MUC15: variants seen among roughly 807,000 people sequenced by gnomAD.
The protein encoded by MUC15 is mucin-15.
In MUC15, 23 loss-of-function variants were observed where a neutral mutation model predicts 24.0. The ratio of observed to expected loss-of-function variants is 0.96; its 90% confidence interval spans 0.69 to 1.36. MUC15 has a LOEUF of 1.36. Among genes scored for constraint, MUC15 ranks in the 40% most tolerant of loss-of-function variants. The probability of loss-of-function intolerance (pLI) is 0.00; values close to 1 mark genes in which losing one functional copy is unlikely to be tolerated. For missense variants in MUC15, 442 were observed against 428.2 expected (o/e 1.03, Z -0.29); for synonymous variants, 151 against 156.3 (o/e 0.97, Z 0.25).
At chr11:26,568,847 T>C (rs1022927682) in intron 1 of MUC15, among the ~76,000 whole-genome samples, 1 of 152,054 alleles carries the variant, frequency 6.6e-6, no homozygotes, top group African/African-American at 2.4e-5. Context: ...CTCTGCAAAG[T>C]TCACAGCAAA....
At position 26,561,204 on chromosome 11, in the gene MUC15, G is replaced by T. The variant is rs201218745; in HGVS notation, c.947C>A (p.Pro316Gln). 1.2e-6 allele frequency: 2 copies of T among 1,609,500 alleles called. No individual in the cohort carries two copies. Among genetic ancestry groups the T allele is most frequent in the Admixed American group, 1.7e-5 (1 of 59,392 alleles). ...CCCAAAACTCACATCATAAGGTTCC[G>T]GTGCATTGTCTAATCGCAGAACTAA... ...NEPVLRLDNAPEPYDVSFGNS... is the reference protein window; with the variant it reads ...NEPVLRLDNAQEPYDVSFGNS... Residue 316 changes from proline (P) to glutamine (Q), a missense_variant, in exon 5 of 5, where the codon CCG becomes CAG. Physicochemically the swap from Pro to Gln is moderately conservative, Grantham distance 76. Transcript: ENST00000529533.
At chr11:26,570,120 G>A (rs1213759506) in intron 1 of MUC15, among the ~76,000 whole-genome samples, 1 of 151,998 alleles carries the variant, frequency 6.6e-6, no homozygotes, top group African/African-American at 2.4e-5. Context: ...AAACTTTCCT[G>A]TATATATTAA....
intron 1 of MUC15, among the ~76,000 whole-genome samples, chr11:26,568,763 G>C (rs960950108): frequency 1.1e-4 from 17 of 152,096 alleles, no homozygotes; most frequent in Admixed American, 3.3e-4. Context: ...CTCACCTAGT[G>C]TGTTTAAAAT....
intron 1 of MUC15, among the ~76,000 whole-genome samples, chr11:26,569,954 T>G (rs1850754452): frequency 6.6e-6 from 1 of 152,142 alleles, no homozygotes; most frequent in South Asian, 2.1e-4. Flanking sequence ...TTTTTGCATC[T>G]GGGTGGTAGC....
intron 1 of MUC15, among the ~76,000 whole-genome samples, chr11:26,571,073 G>T (rs1850805704): frequency 6.6e-6 from 1 of 152,120 alleles, no homozygotes; most frequent in Admixed American, 6.6e-5. Flanking sequence ...CTTAGGCTAT[G>T]TAACTACAGG....
chr11:26,559,118 G>A lies in MUC15; in HGVS notation c.*1947C>T, dbSNP rs1590525842. ...CATTATAAAACTATGCATCCTTTAT[G>A]AAGTTTCAGTTGATATCTGATTAAA... On this transcript the variant is annotated 3_prime_UTR_variant, in exon 5 of 5. Coordinates refer to ENST00000529533, the MANE Select transcript of MUC15 (RefSeq NM_001135091.2). The A allele has an allele frequency of 6.6e-6, 1 of 152,276 alleles. No individual in the cohort carries two copies. Among genetic ancestry groups the A allele is most frequent in the East Asian group, 1.9e-4 (1 of 5,190 alleles). 9.4% of individuals were successfully genotyped at this position (152,276 alleles called of 1,614,324 possible). A position where few individuals can be genotyped will look rare whatever the true frequency, so the allele number is the denominator to read the frequency against.
intron 2 of MUC15, 38 bp downstream of exon 2, chr11:26,567,014 G>A: frequency 2.1e-6 from 3 of 1,427,000 alleles, no homozygotes; most frequent in South Asian, 1.6e-5. Context: ...TGTCTTTTTG[G>A]TTACAAAGTT....
rs773482096 is a variant in MUC15, at chr11:26,559,801, T to G, written c.*1264A>C. On this transcript the variant is annotated 3_prime_UTR_variant, in exon 5 of 5. Coordinates refer to ENST00000529533, the MANE Select transcript of MUC15 (RefSeq NM_001135091.2). ...TGGGGTAAGTACTTTCTTCATTACT[T>G]TCTATCCCTTATTTTCTGAAGCTGT... 6.6e-7 allele frequency: 1 copy of G among 1,526,288 alleles called. No individual in the cohort carries two copies. 94.5% of individuals were successfully genotyped at this position (1,526,288 alleles called of 1,614,324 possible).
chr11:26,564,797 A>G (rs1850500229), intron 3 of MUC15, among the ~76,000 whole-genome samples: 1 of 117,298 alleles, frequency 8.5e-6, no homozygotes, highest in Non-Finnish European at 1.7e-5. Flanking sequence ...GTTCAGTTGT[A>G]TAGTATTCAC....
rs751370746 is a variant in MUC15, at chr11:26,561,139, T to C, written c.1012A>G (p.Met338Val). Residue 338 changes from methionine (M) to valine (V), a missense_variant, in exon 5 of 5, where the codon ATG (methionine) becomes GTG (valine). Transcript: ENST00000529533. ...CGTGCATTTTCTTCACTTTCTGGCA[T>C]GGCTGAATCATTCAAAGTTGGATTG... ...YYNPTLNDSAMPESEENARDG... is the reference protein window; with the variant it reads ...YYNPTLNDSAVPESEENARDG... 1.2e-6 allele frequency: 2 copies of C among 1,612,944 alleles called. No individual in the cohort carries two copies. The highest frequency in any genetic ancestry group is 3.3e-5 in the Admixed American group (2 of 59,892).
intron 1 of MUC15, among the ~76,000 whole-genome samples, chr11:26,569,801 G>A (rs1008327652): frequency 6.6e-6 from 1 of 152,024 alleles, no homozygotes; most frequent in African/African-American, 2.4e-5. Flanking sequence ...ATTATGGATG[G>A]TATCCCTGAG....
intron 1 of MUC15, among the ~76,000 whole-genome samples, chr11:26,567,763 A>G (rs147830518): frequency 1.1e-3 from 174 of 152,152 alleles, no homozygotes; most frequent in African/African-American, 4.0e-3. Context: ...TAAGAGCCTC[A>G]AACCTAAGTG....
intron 4 of MUC15, among the ~76,000 whole-genome samples, chr11:26,562,547 A>G (rs553293225): frequency 2.6e-5 from 4 of 152,026 alleles, no homozygotes; most frequent in South Asian, 4.1e-4. Context: ...TTTCTCATTC[A>G]TAGATATTAT....
chr11:26,568,185 G>A (rs950977461), intron 1 of MUC15, among the ~76,000 whole-genome samples: 1 of 151,992 alleles, frequency 6.6e-6, no homozygotes, highest in Admixed American at 6.6e-5. Context: ...TTACTATTAT[G>A]CATTTGATAT....
chr11:26,562,869 G>A (rs541121436), intron 4 of MUC15, among the ~76,000 whole-genome samples: 59 of 151,924 alleles, frequency 3.9e-4, no homozygotes, highest in Admixed American at 8.6e-4. Flanking sequence ...TAGATTCTTG[G>A]ATTATTATTT....
intron 3 of MUC15, among the ~76,000 whole-genome samples, chr11:26,564,430 A>AT (rs1554970649): frequency 1.6e-5 from 1 of 62,970 alleles, no homozygotes; most frequent in African/African-American, 5.7e-5. Context: ...AAAACAAATT[A>AT]TTAAAAAAAT....
chr11:26,564,036 T>TA (rs1044180697), intron 3 of MUC15, among the ~76,000 whole-genome samples: 13 of 151,850 alleles, frequency 8.6e-5, no homozygotes. Context: ...TGATTCTATA[T>TA]AAAATCTCAT....
intron 4 of MUC15, among the ~76,000 whole-genome samples, chr11:26,562,232 T>C (rs942036688): frequency 6.6e-5 from 10 of 151,938 alleles, no homozygotes; most frequent in Non-Finnish European, 1.5e-4. Context: ...TTTGTATTAG[T>C]TCCTAGAAAC....
intron 4 of MUC15, 23 bp from the exon 5 acceptor site, chr11:26,561,248 C>T: frequency 6.3e-7 from 1 of 1,581,234 alleles, no homozygotes; most frequent in East Asian, 2.3e-5. Context: ...CAAAATAATA[C>T]TGTTTCACAG....
Sources: gnomAD v4.1 joint callset for allele counts (sites outside exome capture counted in the v4.1 genomes callset) on GRCh38, gnomAD v4.1.1 for gene constraint, MANE v1.5 for transcripts, NCBI Gene and HGNC (gene_info 2026-07-23, HGNC 2026-07-21) for gene names.